CEP41: variants seen among roughly 807,000 people sequenced by gnomAD.
The protein encoded by CEP41 is centrosomal protein 41.
Under a neutral mutation model 44.3 loss-of-function variants are expected in CEP41, and 32 were observed. The observed-to-expected ratio is 0.72, with a 90% CI of 0.54 to 0.97. The LOEUF is 0.97. Ranked by LOEUF, CEP41 falls within the 50% of genes least tolerant of loss-of-function variation. The pLI is 0.00. For synonymous variants in CEP41, 151 were observed against 168.5 expected (o/e 0.90, Z 0.80); for missense variants, 432 against 455.2 (o/e 0.95, Z 0.46).
intron 1 of CEP41, among the ~76,000 whole-genome samples, chr7:130,433,435 C>G (rs1431956907): frequency 6.6e-6 from 1 of 151,568 alleles, no homozygotes; most frequent in Non-Finnish European, 1.5e-5. Context: ...AGGTCCAGAG[C>G]CCAGACAGCA....
upstream of CEP41, chr7:130,441,028 CCTACCCCCACAA>C (rs1798143786): frequency 6.4e-7 from 1 of 1,567,936 alleles, no homozygotes; most frequent in Non-Finnish European, 8.7e-7. Context: ...ACCCTAGCTT[CCTACCCCCACAA>C]CCTTGTTCAG....
intron 2 of CEP41, chr7:130,421,409 T>C (rs1797504289): frequency 8.1e-6 from 8 of 985,472 alleles, no homozygotes; most frequent in Non-Finnish European, 9.6e-6. Flanking sequence ...AGAGGCACAG[T>C]GGTCCTTTGT....
intron 1 of CEP41, among the ~76,000 whole-genome samples, chr7:130,428,428 C>CAAAAAAA (rs67847969): frequency 2.6e-5 from 1 of 38,078 alleles, no homozygotes; most frequent in Non-Finnish European, 4.5e-5. Context: ...GACTCTGACT[C>CAAAAAAA]AAAAAAAAAA....
In CEP41 at chr7:130,396,884, A is replaced by G. The variant is rs2117534170; in HGVS notation, c.*2007T>C. 1 of 446,406 alleles carries G rather than the reference A, an allele frequency of 2.2e-6. No homozygotes were observed. Among genetic ancestry groups the G allele is most frequent in the South Asian group, 1.6e-5 (1 of 63,026 alleles). 27.7% of individuals were successfully genotyped at this position (446,406 alleles called of 1,614,324 possible). A position where few individuals can be genotyped will look rare whatever the true frequency, so the allele number is the denominator to read the frequency against. On this transcript the variant is annotated 3_prime_UTR_variant, in exon 11 of 11. Transcript: ENST00000223208. ...CCACATATATACAGTGGTTTCTAAT[A>G]CTCCAAAGTTGTCTGACGATGGGAA...
chr7:130,422,746 GA>G (rs1162070947), intron 2 of CEP41, among the ~76,000 whole-genome samples: 1 of 152,110 alleles, frequency 6.6e-6, no homozygotes, highest in Admixed American at 6.5e-5. Context: ...TTTAAGCAAT[GA>G]AACACACTTT....
In CEP41 at chr7:130,401,876, G is replaced by T; in HGVS notation, c.642+5C>A. On this transcript the variant is annotated splice_donor_5th_base_variant and intron_variant, in intron 8 of 10. Transcript: ENST00000223208. ...CCCAATTCCTTAAAATGCAACAAAG[G>T]ATACATATTCAAGAATATCATTTGA... 6.3e-7 allele frequency: 1 copy of T among 1,578,258 alleles called. No individual in the cohort carries two copies. The highest frequency in any genetic ancestry group is 8.7e-7 in the Non-Finnish European group (1 of 1,147,494).
At position 130,396,130 on chromosome 7, in the gene CEP41, AC is replaced by A. The variant is rs1562972440; in HGVS notation, c.*2760del. The A allele has an allele frequency of 6.6e-6, 3 of 453,352 alleles. No homozygotes were observed. Among genetic ancestry groups the A allele is most frequent in the Non-Finnish European group, 1.3e-5 (3 of 226,660 alleles). The allele number at this position is 453,352 out of a possible 1,614,324, so 28.1% of individuals were successfully genotyped here. ...TCTTTTCTCCCTTCCTTAAACACAA[AC>A]CCCTTTAAAGCATTTAAGGTATTAT... On this transcript the variant is annotated 3_prime_UTR_variant, in exon 11 of 11. Transcript: ENST00000223208.
In CEP41 at chr7:130,397,392, C is replaced by G; in HGVS notation, c.*1499G>C. 1 of 453,120 alleles carries G rather than the reference C, an allele frequency of 2.2e-6. No individual in the cohort carries two copies. The highest frequency in any genetic ancestry group is 1.6e-5 in the South Asian group (1 of 64,312). The allele number at this position is 453,120 out of a possible 1,614,324, so 28.1% of individuals were successfully genotyped here. On this transcript the variant is annotated 3_prime_UTR_variant, in exon 11 of 11. Coordinates refer to ENST00000223208, the MANE Select transcript of CEP41 (RefSeq NM_018718.3). The stretch of plus-strand genomic sequence containing the variant: ...TCAAGTAGAGAAGAATAAACACACT[C>G]TAAAACAGAACTGGGCTGAATCTGA...
In CEP41 at chr7:130,396,886, T is replaced by G. The variant is rs1562973368; in HGVS notation, c.*2005A>C. ...ACATATATACAGTGGTTTCTAATACTCCAAAGTTGTCTGACGATGGGAACG... is the reference window on the plus strand; with the variant it reads ...ACATATATACAGTGGTTTCTAATACGCCAAAGTTGTCTGACGATGGGAACG... On this transcript the variant is annotated 3_prime_UTR_variant, in exon 11 of 11. Transcript: ENST00000223208. 2 of 447,064 alleles carry G rather than the reference T, an allele frequency of 4.5e-6. No individual in the cohort carries two copies. The highest frequency in any genetic ancestry group is 2.4e-5 in the Admixed American group (1 of 41,476). The allele number at this position is 447,064 out of a possible 1,614,324, so 27.7% of individuals were successfully genotyped here. A position where few individuals can be genotyped will look rare whatever the true frequency, so the allele number is the denominator to read the frequency against.
At chr7:130,441,033 C>A, upstream of CEP41, 2 of 1,556,332 alleles carry the variant, frequency 1.3e-6, no homozygotes, top group Non-Finnish European at 1.8e-6. Flanking sequence ...AGCTTCCTAC[C>A]CCCACAACCT....
At chr7:130,399,166 T>A in intron 10 of CEP41, 127 bp from the exon 11 acceptor site, 1 of 1,208,258 alleles carries the variant, frequency 8.3e-7, no homozygotes, top group Non-Finnish European at 1.2e-6. Flanking sequence ...TCCTATGCAG[T>A]ATCTACTTTA....
chr7:130,411,272 G>C, intron 4 of CEP41, 81 bp from the exon 5 acceptor site: 7 of 1,121,286 alleles, frequency 6.2e-6, no homozygotes, highest in Non-Finnish European at 9.5e-6. Context: ...AAAGACGAGG[G>C]AACAACAAAC....
At chr7:130,428,068 A>G in intron 1 of CEP41, 50 bp from the exon 2 acceptor site, 1 of 1,257,134 alleles carries the variant, frequency 8.0e-7, no homozygotes, top group Non-Finnish European at 1.2e-6. Context: ...AAGGATAACG[A>G]TAAGGTAAAG....
chr7:130,432,588 CAAAAAAAAAAAAA>C (rs56874452), intron 1 of CEP41, among the ~76,000 whole-genome samples: 1 of 59,930 alleles, frequency 1.7e-5, no homozygotes, highest in African/African-American at 6.8e-5. Context: ...TTTGTTTCCA[CAAAAAAAAAAAAA>C]AAAAAAAAAA....
intron 6 of CEP41, among the ~76,000 whole-genome samples, chr7:130,403,030 C>T (rs1796901393): frequency 6.6e-6 from 1 of 152,160 alleles, no homozygotes; most frequent in Non-Finnish European, 1.5e-5. Flanking sequence ...TCCACACTCA[C>T]CTTCAGACAA....
intron 5 of CEP41, among the ~76,000 whole-genome samples, chr7:130,405,400 A>T (rs1554418017): frequency 6.6e-6 from 1 of 152,194 alleles, no homozygotes; most frequent in Non-Finnish European, 1.5e-5. Context: ...AGTGAACTAA[A>T]TAAGCCTGTT....
intron 1 of CEP41, 197 bp downstream of exon 1, chr7:130,440,737 C>A: frequency 1.6e-6 from 1 of 643,274 alleles, no homozygotes; most frequent in Non-Finnish European, 2.7e-6. Context: ...AGAGATCGCT[C>A]CTCAAAACGG....
intron 2 of CEP41, chr7:130,419,373 GA>G (rs1186573403): frequency 1.0e-6 from 1 of 985,244 alleles, no homozygotes; most frequent in Non-Finnish European, 1.2e-6. Flanking sequence ...GAGAAAGTAT[GA>G]AAAGTAGCAT....
In CEP41 at chr7:130,419,457, G is replaced by C. The variant is rs537209917; in HGVS notation, c.98-2491C>G. 6.1e-6 allele frequency: 6 copies of C among 984,884 alleles called. No homozygotes were observed. In the East Asian group the frequency reaches 5.7e-4, roughly 93 times the overall value. The allele number at this position is 984,884 out of a possible 1,614,324, so 61.0% of individuals were successfully genotyped here. A position where few individuals can be genotyped will look rare whatever the true frequency, so the allele number is the denominator to read the frequency against. On this transcript the variant is annotated intron_variant, in intron 2 of 10. Coordinates refer to ENST00000223208, the MANE Select transcript of CEP41 (RefSeq NM_018718.3). ...CTTACTGTATCTAATTGCATCTGAA[G>C]ATAGTTTCTGACTACCTTTTAAAAA...
Sources: allele counts gnomAD v4.1 joint callset (sites outside exome capture counted in the v4.1 genomes callset), GRCh38; gene constraint gnomAD v4.1.1; transcripts MANE v1.5; gene names NCBI Gene and HGNC (gene_info 2026-07-23, HGNC 2026-07-21).